Variants in GRIP1 observed in about 807,000 individuals in gnomAD.
The protein encoded by GRIP1 is glutamate receptor interacting protein 1.
Under a neutral mutation model 129.9 loss-of-function variants are expected in GRIP1, and 45 were observed. That is an observed-to-expected ratio of 0.35 (90% CI 0.27 to 0.44). The LOEUF is 0.44. Among genes scored for constraint, GRIP1 ranks in the 20% least tolerant of loss-of-function variants. The pLI, the probability that GRIP1 is intolerant of heterozygous loss-of-function variation, is 1.00. For synonymous variants in GRIP1, 530 were observed against 520.8 expected (o/e 1.02, Z -0.24); for missense variants, 1,196 against 1,396.8 (o/e 0.86, Z 2.29).
intron 1 of GRIP1, among the ~76,000 whole-genome samples, chr12:66,946,410 A>G (rs1401126428): frequency 1.3e-5 from 2 of 152,098 alleles, no homozygotes; most frequent in Non-Finnish European, 1.5e-5. Flanking sequence ...CTAAATATTG[A>G]TATTTTTCTA....
intron 1 of GRIP1, among the ~76,000 whole-genome samples, chr12:67,064,012 C>T (rs1270752345): frequency 1.3e-5 from 2 of 151,930 alleles, no homozygotes; most frequent in African/African-American, 4.8e-5. Context: ...GGCAAATACG[C>T]TTTGAAAAAA....
intron 1 of GRIP1, among the ~76,000 whole-genome samples, chr12:66,765,317 A>C (rs1309717320): frequency 6.6e-6 from 1 of 152,142 alleles, no homozygotes; most frequent in African/African-American, 2.4e-5. Context: ...CCTTCATCTG[A>C]ACACCTCTAG....
At chr12:66,392,218 G>T in intron 19 of GRIP1, 90 bp downstream of exon 19, 1 of 804,330 alleles carries the variant, frequency 1.2e-6, no homozygotes, top group Admixed American at 1.9e-5. Context: ...GTTAAAGAAA[G>T]ATATTCTCCT....
At chr12:66,562,318 C>T (rs892992186) in intron 2 of GRIP1, among the ~76,000 whole-genome samples, 11 of 152,250 alleles carry the variant, frequency 7.2e-5, no homozygotes, top group Middle Eastern at 3.4e-3. Flanking sequence ...ATTTTCTATA[C>T]GATATTGTCC....
chr12:66,898,362 T>G (rs1038454394), intron 1 of GRIP1, among the ~76,000 whole-genome samples: 2 of 152,198 alleles, frequency 1.3e-5, no homozygotes, highest in Non-Finnish European at 2.9e-5. Flanking sequence ...AAACAATTCC[T>G]TTTATTTGTG....
intron 2 of GRIP1, among the ~76,000 whole-genome samples, chr12:66,546,629 A>G (rs1177773227): frequency 2.0e-5 from 3 of 152,188 alleles, no homozygotes; most frequent in Non-Finnish European, 2.9e-5. Context: ...AATTCAATAG[A>G]GGAAAGGTAG....
intron 11 of GRIP1, among the ~76,000 whole-genome samples, chr12:66,453,843 T>A (rs2058876924): frequency 1.3e-5 from 2 of 152,206 alleles, no homozygotes; most frequent in South Asian, 4.1e-4. Context: ...GGAACCCAGG[T>A]AGCCTGGTTC....
Position 66,708,542 on chromosome 12 carries a change from A to G in GRIP1, c.-419-78206T>C, listed in dbSNP as rs139424969. Among the ~76,000 whole-genome samples, 442 of 152,078 alleles carry G rather than the reference A, an allele frequency of 2.9e-3. 1 individual carries two copies. The highest frequency in any genetic ancestry group is 0.01 in the African/African-American group (424 of 41,532). On this transcript the variant is annotated intron_variant, in intron 1 of 4. Coordinates refer to the GRIP1 transcript ENST00000538373. ...AGAAAATTAAAACAGTATGTCAGGT[A>G]GAAAAAGAGAATATAGATGAATATG...
chr12:66,679,259 T>TGCTTA, upstream of GRIP1: 1 of 608,002 alleles, frequency 1.6e-6, no homozygotes, highest in Non-Finnish European at 2.4e-6. Flanking sequence ...CACTGAACAG[T>TGCTTA]GCATTCTGTT....
At chr12:67,058,638 T>C (rs1423284074) in intron 1 of GRIP1, among the ~76,000 whole-genome samples, 2 of 152,210 alleles carry the variant, frequency 1.3e-5, no homozygotes, top group Non-Finnish European at 2.9e-5. Context: ...GAGAAAAGTT[T>C]ATGTGCAAGG....
intron 5 of GRIP1, among the ~76,000 whole-genome samples, chr12:66,526,120 T>G (rs2061228139): frequency 6.6e-6 from 1 of 151,944 alleles, no homozygotes. Flanking sequence ...AATTTATAGA[T>G]TCAATGCCAT....
chr12:66,444,615 C>G lies in GRIP1; in HGVS notation c.1656G>C (p.Lys552Asn), dbSNP rs565653787. Residue 552 changes from lysine to asparagine, a missense_variant, in exon 13 of 25, where the codon AAG becomes AAC. Transcript: ENST00000359742. ...QLLRDSSITS[K>N]VTLEIEFDVA... The stretch of plus-strand genomic sequence containing the variant: ...CATCAAACTCGATTTCCAGTGTGAC[C>G]TTGCTCGTGATTGAAGAGTCTCGGA... The G allele has an allele frequency of 1.9e-6, 3 of 1,613,938 alleles. No individual in the cohort carries two copies. The African/African-American group carries it at 4.0e-5, about 22-fold the overall frequency.
At chr12:66,791,661 ACT>A (rs1308196020) in intron 1 of GRIP1, among the ~76,000 whole-genome samples, 2 of 151,902 alleles carry the variant, frequency 1.3e-5, no homozygotes, top group Non-Finnish European at 1.5e-5. Context: ...ACTCAACAAT[ACT>A]CTTTTTTGAT....
intron 1 of GRIP1, among the ~76,000 whole-genome samples, chr12:66,826,039 C>A (rs764284721): frequency 1.7e-4 from 26 of 152,068 alleles, no homozygotes; most frequent in Non-Finnish European, 3.4e-4. Flanking sequence ...TTCACAATAG[C>A]AAAGACTTGG....
chr12:66,503,484 T>G (rs1592443928), intron 7 of GRIP1, among the ~76,000 whole-genome samples: 2 of 152,236 alleles, frequency 1.3e-5, no homozygotes, highest in East Asian at 3.9e-4. Flanking sequence ...TTGGGTCTCT[T>G]CCAAGTGTAC....
chr12:66,852,857 C>G (rs986158494), intron 1 of GRIP1, among the ~76,000 whole-genome samples: 1 of 151,776 alleles, frequency 6.6e-6, no homozygotes, highest in South Asian at 2.1e-4. Context: ...GGAGTCACTG[C>G]AAGTAAAACA....
rs530349740 is a variant in GRIP1 at position 66,685,333 on chromosome 12, TA to T, written c.-419-54998del. On this transcript the variant is annotated intron_variant, in intron 1 of 4. Transcript: ENST00000538373. ...CTAGTCAAATTTTGTTCTTTTTTTTTAAGGGCTAAATTAATAAGTACTTTAA... is the reference window on the plus strand; with the variant it reads ...CTAGTCAAATTTTGTTCTTTTTTTTTAGGGCTAAATTAATAAGTACTTTAA... Among the ~76,000 whole-genome samples, 213 of 152,280 alleles carry T rather than the reference TA, an allele frequency of 1.4e-3. 6 individuals carry two copies. The highest frequency in any genetic ancestry group is 1.6e-3 in the Admixed American group (24 of 15,288).
chr12:66,595,310 A>T (rs991324763), intron 2 of GRIP1, among the ~76,000 whole-genome samples: 15 of 152,254 alleles, frequency 9.9e-5, no homozygotes, highest in Non-Finnish European at 1.8e-4. Context: ...TTAACATGTA[A>T]CTTAAAAAAC....
At chr12:66,551,436 C>T (rs928944867) in intron 2 of GRIP1, among the ~76,000 whole-genome samples, 4 of 152,188 alleles carry the variant, frequency 2.6e-5, no homozygotes, top group Non-Finnish European at 5.9e-5. Context: ...AGAATATTTA[C>T]TTGCAGTATT....
Sources: allele counts gnomAD v4.1 joint callset (sites outside exome capture counted in the v4.1 genomes callset), GRCh38; gene constraint gnomAD v4.1.1; transcripts MANE v1.5; gene names NCBI Gene and HGNC (gene_info 2026-07-23, HGNC 2026-07-21).